Variants in SLC28A3 observed in about 807,000 individuals in gnomAD.
SLC28A3 encodes the protein solute carrier family 28 member 3.
A neutral mutation model predicts 84.2 loss-of-function variants in SLC28A3; 68 were observed. The observed-to-expected ratio is 0.81, with a 90% confidence interval of 0.66 to 0.99. The LOEUF is 0.99. Ranked by LOEUF, SLC28A3 falls within the 50% of genes least tolerant of loss-of-function variation. SLC28A3 has a pLI of 0.00. For missense variants in SLC28A3, 712 were observed against 841.5 expected, an observed-to-expected ratio of 0.85 and a Z score of 1.90; for synonymous variants, 267 against 303.6, an observed-to-expected ratio of 0.88 and a Z score of 1.25.
At chr9:84,303,045 GAAATAA>G (rs1293802387) in intron 4 of SLC28A3, among the ~76,000 whole-genome samples, 3 of 152,260 alleles carry the variant, frequency 2.0e-5, no homozygotes, top group East Asian at 1.9e-4. Context: ...TGTGTTTTGA[GAAATAA>G]AAATAAAGTC....
At chr9:84,311,577 C>T (rs777965676) in intron 2 of SLC28A3, among the ~76,000 whole-genome samples, 2 of 152,056 alleles carry the variant, frequency 1.3e-5, no homozygotes, top group Admixed American at 6.6e-5. Context: ...TATGGCCAGG[C>T]GTGGTCACTC....
intron 1 of SLC28A3, among the ~76,000 whole-genome samples, chr9:84,326,365 C>A (rs1469122850): frequency 6.6e-6 from 1 of 151,840 alleles, no homozygotes; most frequent in Non-Finnish European, 1.5e-5. Flanking sequence ...CCTATTGGTA[C>A]CAAGGTTATC....
chr9:84,356,185 C>T, the SLC28A3 span, among the ~76,000 whole-genome samples: 3 of 152,144 alleles, frequency 2.0e-5, no homozygotes, highest in African/African-American at 7.2e-5. Context: ...TAGCTCACCT[C>T]CCCCTTCCAC....
intron 12 of SLC28A3, among the ~76,000 whole-genome samples, chr9:84,286,604 T>C (rs886615347): frequency 6.6e-6 from 1 of 152,020 alleles, no homozygotes; most frequent in African/African-American, 2.4e-5. Flanking sequence ...AATAAAAAAT[T>C]GGAAAATGAT....
intron 1 of SLC28A3, among the ~76,000 whole-genome samples, chr9:84,319,204 C>A (rs564232485): frequency 6.6e-6 from 1 of 152,342 alleles, no homozygotes; most frequent in South Asian, 2.1e-4. Context: ...TTATTACTCA[C>A]TGAAATCCAT....
At chr9:84,362,644 T>A in the SLC28A3 span, among the ~76,000 whole-genome samples, 2 of 145,980 alleles carry the variant, frequency 1.4e-5, no homozygotes, top group African/African-American at 2.5e-5. Context: ...AAAAAAAAAA[T>A]TAAAATAAAT....
the SLC28A3 span, among the ~76,000 whole-genome samples, chr9:84,354,203 T>G: frequency 6.6e-6 from 1 of 152,344 alleles, no homozygotes; most frequent in Non-Finnish European, 1.5e-5. Flanking sequence ...TCTTAGCTCC[T>G]CAGCGAGGCT....
chr9:84,337,317 T>C (rs1827009983), intron 1 of SLC28A3, among the ~76,000 whole-genome samples: 2 of 152,100 alleles, frequency 1.3e-5, no homozygotes, highest in African/African-American at 4.8e-5. Context: ...TTGATGATTC[T>C]ACTGAATAAA....
the SLC28A3 span, among the ~76,000 whole-genome samples, chr9:84,347,712 C>A: frequency 6.6e-6 from 1 of 152,118 alleles, no homozygotes; most frequent in Non-Finnish European, 1.5e-5. Flanking sequence ...AGGTGTCGGG[C>A]TGCTATATTG....
At chr9:84,327,462 C>T (rs190377439) in intron 1 of SLC28A3, among the ~76,000 whole-genome samples, 5 of 151,884 alleles carry the variant, frequency 3.3e-5, no homozygotes, top group African/African-American at 1.2e-4. Context: ...CTTAAATTAT[C>T]CTAGTTCTGT....
chr9:84,279,853 C>T (rs529915925), intron 16 of SLC28A3, 122 bp downstream of exon 16: 1 of 868,870 alleles, frequency 1.2e-6, no homozygotes, highest in Non-Finnish European at 1.8e-6. Flanking sequence ...TGCTTAAGAG[C>T]AGCTCTAACT....
At chr9:84,358,398 C>T in the SLC28A3 span, among the ~76,000 whole-genome samples, 6 of 152,212 alleles carry the variant, frequency 3.9e-5, no homozygotes, top group Admixed American at 3.3e-4. Context: ...TCATGTAACC[C>T]GAAACTCAGG....
chr9:84,296,228 T>C (rs1195175084), intron 8 of SLC28A3, among the ~76,000 whole-genome samples: 1 of 152,236 alleles, frequency 6.6e-6, no homozygotes, highest in East Asian at 1.9e-4. Flanking sequence ...ATCTCAGCCC[T>C]AAAACATCAA....
intron 1 of SLC28A3, 131 bp downstream of exon 1, chr9:84,340,443 C>T: frequency 1.0e-6 from 1 of 956,640 alleles, no homozygotes; most frequent in African/African-American, 1.6e-5. Context: ...AAATAATGGG[C>T]TTAAAGTGTG....
chr9:84,364,349 A>G, the SLC28A3 span, among the ~76,000 whole-genome samples: 3 of 151,982 alleles, frequency 2.0e-5, no homozygotes, highest in Non-Finnish European at 4.4e-5. Flanking sequence ...CACTCACCTC[A>G]GCCTCCCAAA....
intron 1 of SLC28A3, 23 bp downstream of exon 1, chr9:84,340,551 C>T (rs367680104): frequency 1.9e-5 from 30 of 1,613,910 alleles, no homozygotes; most frequent in Non-Finnish European, 2.5e-5. Context: ...AGGCCTTTAA[C>T]ATAAGAGGAA....
chr9:84,305,817 C>T (rs1825771816), intron 3 of SLC28A3, among the ~76,000 whole-genome samples: 1 of 152,192 alleles, frequency 6.6e-6, no homozygotes, highest in Non-Finnish European at 1.5e-5. Flanking sequence ...CCATCACCAT[C>T]CCCGTTAGTC....
At chr9:84,334,568 C>T (rs1250173461) in intron 1 of SLC28A3, among the ~76,000 whole-genome samples, 4 of 151,866 alleles carry the variant, frequency 2.6e-5, no homozygotes, top group South Asian at 4.2e-4. Flanking sequence ...AGTGACAGTT[C>T]GCCTTATAAG....
At chr9:84,348,497 T>C in the SLC28A3 span, among the ~76,000 whole-genome samples, 4 of 152,324 alleles carry the variant, frequency 2.6e-5, no homozygotes, top group African/African-American at 4.8e-5. Context: ...ATGAGGTTTA[T>C]GTTTACAGCT....
Sources: gnomAD v4.1 joint callset for allele counts (sites outside exome capture counted in the v4.1 genomes callset) on GRCh38, gnomAD v4.1.1 for gene constraint, MANE v1.5 for transcripts, NCBI Gene and HGNC (gene_info 2026-07-23, HGNC 2026-07-21) for gene names.